The following ELFN1 variants were observed in gnomAD, a reference collection of about 807,000 sequenced individuals.
ELFN1 encodes protein ELFN1.
A neutral mutation model predicts 7.6 loss-of-function variants in ELFN1; 6 were observed. That is an observed-to-expected ratio of 0.79 (90% confidence interval 0.43 to 1.56). The LOEUF (loss-of-function observed/expected upper bound fraction) is 1.56, where lower values mean the gene tolerates loss of function less well. Ranked by LOEUF, ELFN1 falls within the 40% of genes most tolerant of loss-of-function variation. ELFN1 has a pLI of 0.01. For synonymous variants in ELFN1, 657 were observed against 588.1 expected, an observed-to-expected ratio of 1.12 and a Z score of -1.70; for missense variants, 1,169 against 1,232.2, an observed-to-expected ratio of 0.95 and a Z score of 0.77.
At chr7:1,725,695 A>ATGTGTGCACGTCTG (rs1491493346) in intron 3 of ELFN1, among the ~76,000 whole-genome samples, 12 of 152,270 alleles carry the variant, frequency 7.9e-5, no homozygotes, top group Admixed American at 2.0e-4. Context: ...TGTGTAACAC[A>ATGTGTGCACGTCTG]TGTGTGCACG....
chr7:1,696,356 G>A (rs1779313328), intron 2 of ELFN1, among the ~76,000 whole-genome samples: 1 of 151,820 alleles, frequency 6.6e-6, no homozygotes, highest in Non-Finnish European at 1.5e-5. Flanking sequence ...CAGGGAGAGA[G>A]AGGGCATGCA....
intron 3 of ELFN1, among the ~76,000 whole-genome samples, chr7:1,732,708 A>T (rs1780349921): frequency 6.6e-6 from 1 of 152,112 alleles, no homozygotes; most frequent in Non-Finnish European, 1.5e-5. Context: ...GGGGAAGGCC[A>T]TGTCGGTGGG....
intron 1 of ELFN1, among the ~76,000 whole-genome samples, chr7:1,682,606 A>C (rs62435469): frequency 1.8e-5 from 1 of 54,930 alleles, no homozygotes; most frequent in South Asian, 1.1e-3. Flanking sequence ...ATGCCAGGAT[A>C]AATTTTTTTT....
At chr7:1,671,137 G>T (rs1217393915) in intron 1 of ELFN1, among the ~76,000 whole-genome samples, 1 of 151,426 alleles carries the variant, frequency 6.6e-6, no homozygotes, top group Non-Finnish European at 1.5e-5. Flanking sequence ...GCTGAGGGTG[G>T]GGCGGGGGGC....
chr7:1,747,283 C>T lies in ELFN1; in HGVS notation c.*200C>T, dbSNP rs79870618. 1.2e-3 allele frequency: 569 copies of T among 469,364 alleles called. 7 individuals carry two copies. The East Asian group carries it at 0.017, about 14-fold the overall frequency. The allele number at this position is 469,364 out of a possible 1,614,324, so 29.1% of individuals were successfully genotyped here. A position where few individuals can be genotyped will look rare whatever the true frequency, so the allele number is the denominator to read the frequency against. On this transcript the variant is annotated 3_prime_UTR_variant, in exon 4 of 4. Coordinates refer to ENST00000424383, the MANE Select transcript of ELFN1 (RefSeq NM_001128636.4). ...GTGGCCGGTCCTGGGATGCGCTTGT[C>T]GCCCCGGGTGGCACGTGTCCACACA... is the stretch of plus-strand genomic sequence containing the variant.
At chr7:1,719,081 C>G (rs1345821957) in intron 3 of ELFN1, among the ~76,000 whole-genome samples, 1 of 152,002 alleles carries the variant, frequency 6.6e-6, no homozygotes, top group Non-Finnish European at 1.5e-5. Flanking sequence ...CATCTCCACC[C>G]CCAGGGGTTA....
intron 2 of ELFN1, among the ~76,000 whole-genome samples, chr7:1,707,489 TG>T (rs1779559526): frequency 2.0e-5 from 3 of 152,166 alleles, no homozygotes; most frequent in Non-Finnish European, 4.4e-5. Flanking sequence ...GGGGCAACCC[TG>T]GGGCTGATGG....
intron 2 of ELFN1, chr7:1,693,474 C>T (rs762360195): frequency 6.4e-6 from 3 of 471,054 alleles, no homozygotes; most frequent in South Asian, 3.1e-5. Context: ...CAGACAGGTG[C>T]GTGCCGCAGG....
chr7:1,682,548 T>C (rs1297046603), intron 1 of ELFN1, among the ~76,000 whole-genome samples: 1 of 151,972 alleles, frequency 6.6e-6, no homozygotes, highest in Non-Finnish European at 1.5e-5. Flanking sequence ...TCAAGTGATC[T>C]CCTCACCACA....
At chr7:1,718,519 A>C (rs1779903768) in intron 3 of ELFN1, among the ~76,000 whole-genome samples, 1 of 152,226 alleles carries the variant, frequency 6.6e-6, no homozygotes, top group Non-Finnish European at 1.5e-5. Context: ...TGAGGAAATC[A>C]TTAGCATGCT....
In ELFN1 at chr7:1,673,090, C is replaced by CT. The variant is rs1290875113; in HGVS notation, c.-549+2736_-549+2737insT. On this transcript the variant is annotated intron_variant, in intron 1 of 3. Coordinates refer to ENST00000424383, the MANE Select transcript of ELFN1 (RefSeq NM_001128636.4). This position sits in a 1 kb window ranked among gnomAD's most constrained non-coding sequence, Gnocchi z 4.7. ...ACATTTGTCATCTCTCCAGCGCCCC[C>CT]CCCCGCTCTTTCCTTTTTGTTTTTG... Among the ~76,000 whole-genome samples, 2 of 93,190 alleles carry CT rather than the reference C, an allele frequency of 2.1e-5. No homozygotes were observed. The highest frequency in any genetic ancestry group is 1.9e-4 in the African/African-American group (2 of 10,742). The allele number at this position is 93,190 out of a possible 152,430, so 61.1% of individuals were successfully genotyped here. A position where few individuals can be genotyped will look rare whatever the true frequency, so the allele number is the denominator to read the frequency against.
intron 3 of ELFN1, among the ~76,000 whole-genome samples, chr7:1,732,124 G>T (rs117742519): frequency 1.3e-5 from 2 of 152,200 alleles, no homozygotes; most frequent in Non-Finnish European, 2.9e-5. Context: ...GCCTGGCAGC[G>T]TGGGGTCACA....
chr7:1,707,927 G>C (rs929663939), intron 2 of ELFN1, among the ~76,000 whole-genome samples: 1 of 152,108 alleles, frequency 6.6e-6, no homozygotes, highest in African/African-American at 2.4e-5. Flanking sequence ...CAGACAGACC[G>C]GGGGGCCCCT....
At chr7:1,734,529 C>T (rs989625382) in intron 3 of ELFN1, among the ~76,000 whole-genome samples, 3 of 152,106 alleles carry the variant, frequency 2.0e-5, no homozygotes, top group African/African-American at 7.2e-5. Flanking sequence ...CAGCCCCAGC[C>T]CTGAGCCCTC....
In ELFN1 at chr7:1,745,033, T is replaced by C. The variant is rs1780735674; in HGVS notation, c.437T>C (p.Val146Ala). The change falls in exon 4 of 4, where the codon GTG becomes GCG. Residue 146 changes from valine (V) to alanine (A), a missense_variant. Coordinates refer to ENST00000424383, the MANE Select transcript of ELFN1 (RefSeq NM_001128636.4). ...YLYLQANLIE[V>A]VMASSFWECP... ...TACCTGCAGGCCAACCTCATCGAGG[T>C]GGTCATGGCCAGCAGCTTCTGGGAG... 6.4e-7 allele frequency: 1 copy of C among 1,551,100 alleles called. No individual in the cohort carries two copies. The highest frequency in any genetic ancestry group is 2.0e-5 in the Admixed American group (1 of 51,014).
intron 3 of ELFN1, among the ~76,000 whole-genome samples, chr7:1,711,336 G>A (rs916012705): frequency 2.0e-5 from 3 of 152,126 alleles, no homozygotes; most frequent in Non-Finnish European, 4.4e-5. Context: ...TGCTGTGCAG[G>A]GGTGGGTGGT....
chr7:1,720,850 G>A (rs560441161), intron 3 of ELFN1, among the ~76,000 whole-genome samples: 1 of 151,592 alleles, frequency 6.6e-6, no homozygotes, highest in Non-Finnish European at 1.5e-5. Flanking sequence ...TAAATAGTGA[G>A]CATTAACTCA....
rs1232651173 is a variant in ELFN1, at chr7:1,746,222, C to T, written c.1626C>T (p.Gly542=). The change falls in exon 4 of 4, where the codon GGC becomes GGT. Residue 542 remains glycine (G), a synonymous_variant. Transcript: ENST00000424383. ...DPPERRDCEL[G]RPGPDSQSSV... ...CGGAACGCAGGGACTGTGAGCTGGG[C>T]CGGCCGGGCCCCGACAGCCAGAGTT... The T allele has an allele frequency of 1.9e-6, 3 of 1,557,916 alleles. No homozygotes were observed. Among genetic ancestry groups the T allele is most frequent in the Non-Finnish European group, 2.6e-6 (3 of 1,152,694 alleles).
At position 1,746,755 on chromosome 7, in the gene ELFN1, G is replaced by T; in HGVS notation, c.2159G>T (p.Gly720Val). The T allele has an allele frequency of 6.7e-7, 1 of 1,501,388 alleles. No homozygotes were observed. The allele number at this position is 1,501,388 out of a possible 1,614,324, so 93.0% of individuals were successfully genotyped here. Reference protein sequence around the residue: ...SHPAEPPAPPGPPPPPPHEGL... With the variant: ...SHPAEPPAPPVPPPPPPHEGL... Reference sequence around the variant, plus strand: ...CCGGCCGAGCCACCTGCGCCCCCCGGGCCACCGCCGCCGCCTCCGCACGAG... The same window carrying T: ...CCGGCCGAGCCACCTGCGCCCCCCGTGCCACCGCCGCCGCCTCCGCACGAG... The change falls in exon 4 of 4, where the codon GGG (glycine) becomes GTG (valine). Residue 720 changes from glycine to valine, a missense_variant. Coordinates refer to ENST00000424383, the MANE Select transcript of ELFN1 (RefSeq NM_001128636.4).
Sources: allele counts gnomAD v4.1 joint callset (sites outside exome capture counted in the v4.1 genomes callset), GRCh38; gene constraint gnomAD v4.1.1; non-coding constraint Gnocchi (gnomAD v3.1); transcripts MANE v1.5; gene names NCBI Gene and HGNC (gene_info 2026-07-23, HGNC 2026-07-21).